PDE10A: variants seen among roughly 807,000 people sequenced by gnomAD.
PDE10A encodes the protein cAMP and cAMP-inhibited cGMP 3',5'-cyclic phosphodiesterase 10A.
A neutral mutation model predicts 97.7 loss-of-function variants in PDE10A; 39 were observed. The ratio of observed to expected loss-of-function variants is 0.40; its 90% confidence interval spans 0.31 to 0.52. The LOEUF (loss-of-function observed/expected upper bound fraction) is 0.52. PDE10A is among the 20% of genes least tolerant of loss of function. The pLI is 0.56. For synonymous variants in PDE10A, 371 were observed against 376.8 expected (o/e 0.98, Z 0.18); for missense variants, 731 against 1,047.8 (o/e 0.70, Z 4.17).
chr6:165,750,096 G>A (rs1250728959), intron 1 of PDE10A, among the ~76,000 whole-genome samples: 1 of 152,196 alleles, frequency 6.6e-6, no homozygotes, highest in Non-Finnish European at 1.5e-5. Flanking sequence ...GAAGACTCAG[G>A]AAGGTGTGGA....
At position 165,482,341 on chromosome 6, in the gene PDE10A, C is replaced by G. The variant is rs571613015; in HGVS notation, c.997G>C (p.Glu333Gln). 2.7e-5 allele frequency: 43 copies of G among 1,600,410 alleles called. 1 individual carries two copies. In the South Asian group the frequency reaches 4.5e-4, roughly 17 times the overall value. ...CTGCTGACTTCCTTAGGAGCTGATT[C>G]ATCTGGGGATAGAGAAGGAAGAGGG... is the stretch of plus-strand genomic sequence containing the variant. The part of the protein sequence containing the change: ...LKRKNNKSED[E>Q]SAPKEVSRYQ... The change falls in exon 3 of 22, where the codon GAA becomes CAA. Residue 333 changes from glutamate to glutamine, a missense_variant and splice_region_variant. Physicochemically the swap from Glu to Gln is conservative, Grantham distance 29. Transcript: ENST00000539869.
chr6:165,585,590 G>C (rs1785862257), intron 1 of PDE10A, among the ~76,000 whole-genome samples: 1 of 152,092 alleles, frequency 6.6e-6, no homozygotes, highest in African/African-American at 2.4e-5. Context: ...GCCAAGGAAT[G>C]CCTGGAGCCA....
intron 5 of PDE10A, among the ~76,000 whole-genome samples, chr6:165,441,802 G>A (rs1221223330): frequency 1.3e-5 from 2 of 152,116 alleles, no homozygotes; most frequent in South Asian, 2.1e-4. Flanking sequence ...ACAGTCAGAT[G>A]AATCAATGCC....
At position 165,418,631 on chromosome 6, in the gene PDE10A, G is replaced by A; in HGVS notation, c.1796+4C>T. On this transcript the variant is annotated splice_donor_region_variant and intron_variant, in intron 11 of 21. Transcript: ENST00000539869. The surrounding 1 kb of genome is among the most constrained non-coding windows in gnomAD (Gnocchi z 4.8). ...AGGATAGGACATTCTACTTCTAGCT[G>A]TACCTTATCTCTTTGGTCTTCTTGA... is the stretch of plus-strand genomic sequence containing the variant. 1.2e-6 allele frequency: 2 copies of A among 1,611,416 alleles called. No individual in the cohort carries two copies. The highest frequency in any genetic ancestry group is 1.7e-6 in the Non-Finnish European group (2 of 1,179,534).
chr6:165,413,005 G>A (rs554631357), intron 13 of PDE10A, among the ~76,000 whole-genome samples: 8 of 152,008 alleles, frequency 5.3e-5, no homozygotes, highest in South Asian at 4.2e-4. Flanking sequence ...CAGTGAACAC[G>A]GTACAACTTT....
At chr6:165,745,788 G>T (rs1477074814) in intron 1 of PDE10A, among the ~76,000 whole-genome samples, 1 of 152,032 alleles carries the variant, frequency 6.6e-6, no homozygotes, top group African/African-American at 2.4e-5. Flanking sequence ...GTTTTGTTTC[G>T]ATATATGTTC....
At chr6:165,922,511 G>A (rs1306077624) in intron 1 of PDE10A, among the ~76,000 whole-genome samples, 2 of 152,190 alleles carry the variant, frequency 1.3e-5, no homozygotes, top group Non-Finnish European at 2.9e-5. Flanking sequence ...TTTGATAGTT[G>A]AGATATTCAT....
intron 3 of PDE10A, among the ~76,000 whole-genome samples, chr6:165,477,856 G>C (rs1471833766): frequency 6.6e-6 from 1 of 152,186 alleles, no homozygotes; most frequent in African/African-American, 2.4e-5. Flanking sequence ...AAAATCTGCT[G>C]ACAAACTTTT....
rs905504906 is a variant in PDE10A, at chr6:165,332,950, C to CA, written c.*74dup. 5.0e-5 allele frequency: 33 copies of CA among 665,342 alleles called. No homozygotes were observed. The highest frequency in any genetic ancestry group is 1.2e-4 in the South Asian group (8 of 67,944). The allele number at this position is 665,342 out of a possible 1,614,324, so 41.2% of individuals were successfully genotyped here. On this transcript the variant is annotated 3_prime_UTR_variant, in exon 22 of 22. Transcript: ENST00000539869. ...AGGTGCAGGTTCCCCCCACCCCCCC[C>CA]AAAAAAAGGAAAAGAATGTCAAAGA...
At chr6:165,748,591 T>C (rs1792895359) in intron 1 of PDE10A, among the ~76,000 whole-genome samples, 2 of 152,224 alleles carry the variant, frequency 1.3e-5, no homozygotes, top group South Asian at 2.1e-4. Context: ...TTTTATTCTC[T>C]GTGCCAAAGG....
At chr6:165,611,463 T>G (rs1013355988) in intron 1 of PDE10A, among the ~76,000 whole-genome samples, 2 of 152,196 alleles carry the variant, frequency 1.3e-5, no homozygotes, top group African/African-American at 4.8e-5. Flanking sequence ...AATGAGTGGA[T>G]ACAAGCATGT....
chr6:165,399,478 A>T (rs895952455), intron 13 of PDE10A, among the ~76,000 whole-genome samples: 2 of 152,176 alleles, frequency 1.3e-5, no homozygotes, highest in African/African-American at 2.4e-5. Context: ...CATGTGCACA[A>T]CGTGCAGGTT....
intron 17 of PDE10A, among the ~76,000 whole-genome samples, chr6:165,384,647 T>G (rs1562406344): frequency 0.038 from 2,140 of 55,894 alleles, 113 homozygotes; most frequent in African/African-American, 0.074. Flanking sequence ...TGTGTGTGTG[T>G]GTGTGTGTGT....
At chr6:165,390,726 G>A (rs969686004) in intron 16 of PDE10A, among the ~76,000 whole-genome samples, 4 of 152,152 alleles carry the variant, frequency 2.6e-5, no homozygotes, top group Non-Finnish European at 4.4e-5. Flanking sequence ...GGGGTGCTGC[G>A]ATGGGAGTCA....
intron 1 of PDE10A, among the ~76,000 whole-genome samples, chr6:165,562,089 A>G (rs1338701712): frequency 6.6e-6 from 1 of 152,174 alleles, no homozygotes; most frequent in East Asian, 1.9e-4. Flanking sequence ...TGTGCAACAC[A>G]GCAAGAAATG....
intron 1 of PDE10A, among the ~76,000 whole-genome samples, chr6:165,830,579 C>T (rs757371701): frequency 2.0e-5 from 3 of 152,140 alleles, no homozygotes; most frequent in Admixed American, 2.0e-4. Context: ...GTGTGCACAC[C>T]GGGAGTTACC....
intron 1 of PDE10A, among the ~76,000 whole-genome samples, chr6:165,762,440 C>T (rs1298799832): frequency 1.3e-5 from 2 of 151,236 alleles, no homozygotes; most frequent in South Asian, 2.1e-4. Flanking sequence ...TTTTAAAAGG[C>T]TCATTACAAC....
intron 2 of PDE10A, among the ~76,000 whole-genome samples, chr6:165,511,690 G>C (rs945939220): frequency 1.3e-5 from 2 of 151,694 alleles, no homozygotes; most frequent in African/African-American, 4.8e-5. Context: ...TATGAATCTG[G>C]GTGCTCCAGT....
chr6:165,975,425 C>T (rs762836270), intron 1 of PDE10A, among the ~76,000 whole-genome samples: 3 of 152,128 alleles, frequency 2.0e-5, no homozygotes, highest in South Asian at 2.1e-4. Flanking sequence ...GGCAACATAG[C>T]GAGACCTCAT....
Sources: allele counts gnomAD v4.1 joint callset (sites outside exome capture counted in the v4.1 genomes callset), GRCh38; gene constraint gnomAD v4.1.1; non-coding constraint Gnocchi (gnomAD v3.1); transcripts MANE v1.5; gene names NCBI Gene and HGNC (gene_info 2026-07-23, HGNC 2026-07-21).